Variants in RASEF observed in about 807,000 individuals in gnomAD.
The protein encoded by RASEF is RAS and EF-hand domain containing, also known as ras and EF-hand domain-containing protein.
A neutral mutation model predicts 90.1 loss-of-function variants in RASEF; 68 were observed. That is an observed-to-expected ratio of 0.75 (90% CI 0.62 to 0.92). The LOEUF (loss-of-function observed/expected upper bound fraction) is 0.92, where lower values mean the gene tolerates loss of function less well. RASEF is among the 40% of genes least tolerant of loss of function. RASEF has a pLI of 0.00. For missense variants in RASEF, 949 were observed against 937.2 expected (o/e 1.01, Z -0.16); for synonymous variants, 331 against 345.2 (o/e 0.96, Z 0.46).
the RASEF span, among the ~76,000 whole-genome samples, chr9:83,130,487 AAATCTTGTGT>A: frequency 2.0e-5 from 3 of 149,908 alleles, no homozygotes; most frequent in Non-Finnish European, 4.4e-5. Flanking sequence ...GGGTTTGGAC[AAATCTTGTGT>A]AATTTTCTAT....
At chr9:83,200,423 A>G in the RASEF span, among the ~76,000 whole-genome samples, 1 of 152,124 alleles carries the variant, frequency 6.6e-6, no homozygotes, top group Non-Finnish European at 1.5e-5. Flanking sequence ...TTCTAAAAAG[A>G]TGCACAAACA....
intron 1 of RASEF, among the ~76,000 whole-genome samples, chr9:83,052,295 G>T (rs1271128307): frequency 1.2e-4 from 17 of 141,048 alleles, no homozygotes; most frequent in East Asian, 1.1e-3. Flanking sequence ...GTCGAGGAAT[G>T]TATCCATTTC....
At chr9:82,993,258 G>A (rs939877555) in intron 14 of RASEF, among the ~76,000 whole-genome samples, 1 of 152,006 alleles carries the variant, frequency 6.6e-6, no homozygotes, top group Non-Finnish European at 1.5e-5. Context: ...TAAGGGTCAG[G>A]GCCTGGATCC....
the RASEF span, among the ~76,000 whole-genome samples, chr9:83,077,679 T>C: frequency 1.3e-5 from 2 of 152,212 alleles, no homozygotes; most frequent in Non-Finnish European, 2.9e-5. Flanking sequence ...ATTATTACCG[T>C]GTTATCATCA....
the RASEF span, among the ~76,000 whole-genome samples, chr9:83,164,937 G>A: frequency 1.5e-3 from 221 of 151,944 alleles, no homozygotes; most frequent in Middle Eastern, 3.4e-3. Context: ...TAAAGGGGTC[G>A]ATAACAGGAA....
chr9:83,039,550 G>A (rs1272566329), intron 1 of RASEF, among the ~76,000 whole-genome samples: 2 of 152,178 alleles, frequency 1.3e-5, no homozygotes, highest in African/African-American at 4.8e-5. Flanking sequence ...TGCCTGCACA[G>A]GGTTAGGGAG....
the RASEF span, among the ~76,000 whole-genome samples, chr9:83,173,200 T>C: frequency 6.6e-6 from 1 of 151,926 alleles, no homozygotes; most frequent in Admixed American, 6.6e-5. Flanking sequence ...CTTTGAGAGT[T>C]TGATTATTTT....
Position 83,062,549 on chromosome 9 carries a change from C to T in RASEF, c.319G>A (p.Gly107Ser). The change falls in exon 1 of 17, where the codon GGC becomes AGC. Residue 107 changes from glycine to serine, a missense_variant. This residue lies in a region of RASEF where 656 missense variants were observed against 592.2 expected (regional missense o/e 1.11). Coordinates refer to ENST00000376447, the MANE Select transcript of RASEF (RefSeq NM_152573.4). ...PETHDSEEDE[G>S]DEDAAAALAT... is the part of the protein sequence containing the mutation. ...AGCGCCGCCGCCGCGTCCTCGTCGC[C>T]TTCGTCCTCCTCGCTGTCGTGTGTC... 4 of 1,602,820 alleles carry T rather than the reference C, an allele frequency of 2.5e-6. No individual in the cohort carries two copies. Among genetic ancestry groups the T allele is most frequent in the Non-Finnish European group, 3.4e-6 (4 of 1,175,040 alleles).
chr9:83,213,156 T>C, the RASEF span, among the ~76,000 whole-genome samples: 1 of 151,088 alleles, frequency 6.6e-6, no homozygotes, highest in African/African-American at 2.4e-5. Flanking sequence ...TCTCAGCACT[T>C]TGGGAGGCCA....
At chr9:83,068,084 G>C (rs1830296896), upstream of RASEF, among the ~76,000 whole-genome samples, 1 of 152,098 alleles carries the variant, frequency 6.6e-6, no homozygotes, top group Admixed American at 6.5e-5. Flanking sequence ...ACGTTGCCCA[G>C]ACTGGTCTCA....
chr9:82,993,047 T>C lies in RASEF; in HGVS notation c.1921-22A>G, dbSNP rs200515529. On this transcript the variant is annotated intron_variant, in intron 14 of 16. Coordinates refer to ENST00000376447, the MANE Select transcript of RASEF (RefSeq NM_152573.4). ...CATCCTACCAGGAAGAAAAAAAAAA[T>C]GGGGCACACATCAAACACTGGACAC... The C allele has an allele frequency of 1.4e-4, 220 of 1,604,400 alleles. 4 individuals carry two copies. In the Middle Eastern group the frequency reaches 1.7e-3, roughly 12 times the overall value.
At chr9:83,203,791 C>G in the RASEF span, among the ~76,000 whole-genome samples, 2 of 151,982 alleles carry the variant, frequency 1.3e-5, no homozygotes, top group Admixed American at 6.6e-5. Context: ...TGCAAAGGCC[C>G]TGGGGTGAGA....
upstream of RASEF, among the ~76,000 whole-genome samples, chr9:83,066,729 GAA>G (rs1407879595): frequency 6.6e-6 from 1 of 152,192 alleles, no homozygotes; most frequent in African/African-American, 2.4e-5. Context: ...TCTTTGGAAA[GAA>G]ATAATTTTGT....
chr9:83,180,279 G>A, the RASEF span, among the ~76,000 whole-genome samples: 8 of 151,992 alleles, frequency 5.3e-5, no homozygotes, highest in South Asian at 1.0e-3. Context: ...CTGCATCTTG[G>A]AATCAAACAA....
intron 3 of RASEF, among the ~76,000 whole-genome samples, chr9:83,016,441 G>A (rs1341899901): frequency 6.6e-6 from 1 of 150,420 alleles, no homozygotes; most frequent in Non-Finnish European, 1.5e-5. Flanking sequence ...GGCACCCCAG[G>A]TCAGGGGATT....
the RASEF span, among the ~76,000 whole-genome samples, chr9:83,119,153 A>G: frequency 4.0e-5 from 6 of 149,046 alleles, no homozygotes; most frequent in East Asian, 1.2e-3. Context: ...GATTACAGGC[A>G]CATGCCACCA....
chr9:83,007,843 G>C (rs1361532578), intron 6 of RASEF, among the ~76,000 whole-genome samples: 1 of 152,130 alleles, frequency 6.6e-6, no homozygotes, highest in Non-Finnish European at 1.5e-5. Flanking sequence ...CTCCACGAGG[G>C]CTGAACCTCC....
chr9:83,018,030 A>G (rs1267933079), intron 3 of RASEF, among the ~76,000 whole-genome samples: 1 of 152,212 alleles, frequency 6.6e-6, no homozygotes, highest in East Asian at 1.9e-4. Flanking sequence ...TACTCAGCCA[A>G]CTAGGAACAG....
the RASEF span, among the ~76,000 whole-genome samples, chr9:83,093,537 C>T: frequency 2.4e-3 from 367 of 152,352 alleles, no homozygotes; most frequent in South Asian, 5.2e-3. Flanking sequence ...GCTGCTGGTC[C>T]GGGTGCTAAG....
Sources: allele counts gnomAD v4.1 joint callset (sites outside exome capture counted in the v4.1 genomes callset), GRCh38; gene constraint gnomAD v4.1.1; regional missense constraint gnomAD v4.1.1; transcripts MANE v1.5; gene names NCBI Gene and HGNC (gene_info 2026-07-23, HGNC 2026-07-21).